COQ5: variants seen among roughly 807,000 people sequenced by gnomAD.
The protein encoded by COQ5 is coenzyme Q5, methyltransferase.
In COQ5, 27 loss-of-function variants were observed where a neutral mutation model predicts 40.5. The observed-to-expected ratio is 0.67, with a 90% CI of 0.49 to 0.92. The LOEUF is 0.92. Ranked by LOEUF, COQ5 falls within the 40% of genes least tolerant of loss-of-function variation. The probability of loss-of-function intolerance (pLI) is 0.00; values close to 1 mark genes in which losing one functional copy is unlikely to be tolerated. For missense variants in COQ5, 409 were observed against 406.4 expected (o/e 1.01, Z -0.06); for synonymous variants, 141 against 150.0 (o/e 0.94, Z 0.44).
At chr12:120,506,106 C>T (rs563602727) in intron 4 of COQ5, among the ~76,000 whole-genome samples, 124 of 152,144 alleles carry the variant, frequency 8.2e-4, no homozygotes, top group African/African-American at 2.8e-3. Context: ...CCACTCGTCT[C>T]GGCCTCACAA....
intron 3 of COQ5, among the ~76,000 whole-genome samples, chr12:120,511,557 G>A (rs1006709931): frequency 2.0e-5 from 3 of 152,008 alleles, no homozygotes; most frequent in African/African-American, 4.8e-5. Context: ...AGGCTGAGGT[G>A]GGAGGAGAGC....
At chr12:120,526,135 C>T (rs1869931307) in intron 1 of COQ5, among the ~76,000 whole-genome samples, 1 of 152,186 alleles carries the variant, frequency 6.6e-6, no homozygotes, top group Admixed American at 6.6e-5. Context: ...AGATACACAA[C>T]ATGTTCAGCA....
chr12:120,517,392 CG>C (rs764364877), intron 2 of COQ5, among the ~76,000 whole-genome samples: 3 of 149,958 alleles, frequency 2.0e-5, no homozygotes, highest in Non-Finnish European at 4.4e-5. Flanking sequence ...AAACTGAGGC[CG>C]GGCGCGGTGG....
In COQ5 at chr12:120,529,137, G is replaced by T; in HGVS notation, c.5C>A (p.Ala2Glu). M[A>E]APGSCALWSY... ...CCATAGAGCACAGCTCCCGGGGGCC[G>T]CCATCTTGGTAGTCGAGTGACAACG... Residue 2 changes from alanine (A) to glutamate (E), a missense_variant, in exon 1 of 7, where the codon GCG becomes GAG. Coordinates refer to ENST00000288532, the MANE Select transcript of COQ5 (RefSeq NM_032314.4). 6.2e-7 allele frequency: 1 copy of T among 1,612,584 alleles called. No homozygotes were observed. Among genetic ancestry groups the T allele is most frequent in the Non-Finnish European group, 8.5e-7 (1 of 1,179,228 alleles).
chr12:120,522,291 C>T lies in COQ5; in HGVS notation c.275G>A (p.Arg92His), dbSNP rs766140385. ...MNDMMSLGIH[R>H]VWKDLLLWKM... is the part of the protein sequence containing the mutation. ...CCAGAGCAGCAAATCCTTCCAAACA[C>T]GATGGATACCAAGACTCATCATATC... Residue 92 changes from arginine (R) to histidine (H), a missense_variant, in exon 2 of 7, where the codon CGT (arginine) becomes CAT (histidine). Arg to His is a conservative substitution (Grantham distance 29). Transcript: ENST00000288532. 99 of 1,613,734 alleles carry T rather than the reference C, an allele frequency of 6.1e-5. 1 individual carries two copies. The Admixed American group carries it at 1.2e-3, about 19-fold the overall frequency.
chr12:120,506,880 C>T (rs567729047), intron 4 of COQ5, among the ~76,000 whole-genome samples: 1 of 152,206 alleles, frequency 6.6e-6, no homozygotes, highest in African/African-American at 2.4e-5. Context: ...GTCGCCCAGG[C>T]TGGAGGGCAG....
intron 5 of COQ5, chr12:120,504,633 T>C: frequency 2.2e-6 from 1 of 454,598 alleles, no homozygotes; most frequent in South Asian, 2.2e-5. Flanking sequence ...TAATAAGTTC[T>C]GATAACCCAC....
chr12:120,526,492 T>C (rs1314316221), intron 1 of COQ5: 1 of 455,174 alleles, frequency 2.2e-6, no homozygotes, highest in Non-Finnish European at 4.4e-6. Context: ...GACAAAAAGG[T>C]TGAAGATGTC....
rs55830211 is a variant in COQ5 at position 120,527,988 on chromosome 12, CAAAAAAAAAAAAAAAAAAAAAA to C, written c.202+930_202+951del. Among the ~76,000 whole-genome samples the C allele has an allele frequency of 3.5e-4, 8 of 23,032 alleles. No homozygotes were observed. The East Asian group carries it at 5.8e-3, about 17-fold the overall frequency. The allele number at this position is 23,032 out of a possible 152,430, so 15.1% of individuals were successfully genotyped here. A position where few individuals can be genotyped will look rare whatever the true frequency, so the allele number is the denominator to read the frequency against. ...GGGGTGACAGAGAGAGACTCAGTCT[CAAAAAAAAAAAAAAAAAAAAAA>C]AAAAAAAAAAAAGAAACCCCGTCTC... On this transcript the variant is annotated intron_variant, in intron 1 of 6. Transcript: ENST00000288532.
Position 120,514,680 on chromosome 12 carries a change from T to A in COQ5, c.574+1887A>T, listed in dbSNP as rs575937948. Among the ~76,000 whole-genome samples, 20 of 147,874 alleles carry A rather than the reference T, an allele frequency of 1.4e-4. No individual in the cohort carries two copies. The East Asian group carries it at 3.2e-3, about 24-fold the overall frequency. On this transcript the variant is annotated intron_variant, in intron 3 of 6. Transcript: ENST00000288532. ...ATTGCTTGAACCCGGGAGGCAGAGG[T>A]TGTAGTGACCCGAGATCGCTCCACT... is the stretch of plus-strand genomic sequence containing the variant.
At chr12:120,506,570 T>G (rs952098235) in intron 4 of COQ5, among the ~76,000 whole-genome samples, 1 of 152,062 alleles carries the variant, frequency 6.6e-6, no homozygotes, top group Non-Finnish European at 1.5e-5. Flanking sequence ...TTTCGCCATG[T>G]TGGCCAGGCT....
At chr12:120,504,448 C>T (rs934650864) in intron 5 of COQ5, 6 of 250,236 alleles carry the variant, frequency 2.4e-5, no homozygotes, top group South Asian at 8.7e-5. Context: ...TAGGGTCTCA[C>T]GGTTGCCCAG....
At chr12:120,528,585 C>G (rs1593028939) in intron 1 of COQ5, among the ~76,000 whole-genome samples, 1 of 151,920 alleles carries the variant, frequency 6.6e-6, no homozygotes, top group Non-Finnish European at 1.5e-5. Flanking sequence ...CCGAGGCAGG[C>G]GAATCACCTG....
chr12:120,528,876 T>C, intron 1 of COQ5, 64 bp downstream of exon 1: 1 of 1,438,532 alleles, frequency 7.0e-7, no homozygotes, highest in African/African-American at 1.4e-5. Flanking sequence ...CAACCCTAAC[T>C]GGCCAGAAGA....
chr12:120,515,756 A>G (rs1869349898), intron 3 of COQ5, among the ~76,000 whole-genome samples: 1 of 152,142 alleles, frequency 6.6e-6, no homozygotes, highest in African/African-American at 2.4e-5. Context: ...TCTTGCTTGG[A>G]AAATATCCAG....
At chr12:120,508,560 C>G (rs112099291) in intron 4 of COQ5, among the ~76,000 whole-genome samples, 9 of 152,044 alleles carry the variant, frequency 5.9e-5, no homozygotes, top group Admixed American at 1.3e-4. Context: ...AAAGAAATAT[C>G]AATTGGTTAT....
At position 120,503,703 on chromosome 12, in the gene COQ5, C is replaced by T; in HGVS notation, c.*81G>A. 2 of 976,976 alleles carry T rather than the reference C, an allele frequency of 2.0e-6. No individual in the cohort carries two copies. Among genetic ancestry groups the T allele is most frequent in the Non-Finnish European group, 1.6e-6 (1 of 607,924 alleles). 60.5% of individuals were successfully genotyped at this position (976,976 alleles called of 1,614,324 possible). A position where few individuals can be genotyped will look rare whatever the true frequency, so the allele number is the denominator to read the frequency against. On this transcript the variant is annotated 3_prime_UTR_variant, in exon 7 of 7. Coordinates refer to ENST00000288532, the MANE Select transcript of COQ5 (RefSeq NM_032314.4). ...ATCCTTAAGAGGAGATGCTCTGCTG[C>T]TGTCTCATTTGCCAGATTATCCTTC...
At chr12:120,524,897 T>C (rs1869868105) in intron 1 of COQ5, among the ~76,000 whole-genome samples, 2 of 151,132 alleles carry the variant, frequency 1.3e-5, no homozygotes, top group Non-Finnish European at 3.0e-5. Flanking sequence ...TGGCTCACTG[T>C]AACCTCCGCC....
At chr12:120,522,912 G>A in intron 1 of COQ5, 2 of 701,854 alleles carry the variant, frequency 2.8e-6, no homozygotes, top group African/African-American at 1.8e-5. Context: ...GATAGCGTCA[G>A]CACGTGCACT....
Sources: allele counts gnomAD v4.1 joint callset (sites outside exome capture counted in the v4.1 genomes callset), GRCh38; gene constraint gnomAD v4.1.1; transcripts MANE v1.5; gene names NCBI Gene and HGNC (gene_info 2026-07-23, HGNC 2026-07-21).